Variants in SLC36A1 observed in about 807,000 individuals in gnomAD.
SLC36A1 encodes solute carrier family 36 member 1.
In SLC36A1, 30 loss-of-function variants were observed where a neutral mutation model predicts 47.5. That is an observed-to-expected ratio of 0.63 (90% CI 0.47 to 0.86). SLC36A1 has a LOEUF of 0.86. Among genes scored for constraint, SLC36A1 ranks in the 40% least tolerant of loss-of-function variants. The pLI, the probability that SLC36A1 is intolerant of heterozygous loss-of-function variation, is 0.00. For synonymous variants in SLC36A1, 255 were observed against 249.7 expected (o/e 1.02, Z -0.20); for missense variants, 517 against 606.0 (o/e 0.85, Z 1.54).
At chr5:151,393,920 A>T in the SLC36A1 span, among the ~76,000 whole-genome samples, 1 of 151,952 alleles carries the variant, frequency 6.6e-6, no homozygotes, top group Non-Finnish European at 1.5e-5. Context: ...TGTGGCATTC[A>T]CTGTATTTCC....
chr5:151,401,213 A>G, the SLC36A1 span, among the ~76,000 whole-genome samples: 1 of 152,108 alleles, frequency 6.6e-6, no homozygotes, highest in Non-Finnish European at 1.5e-5. Context: ...ATAGGTATGG[A>G]GTCCAGTTTT....
At chr5:151,486,687 T>C (rs1759602954) in intron 10 of SLC36A1, among the ~76,000 whole-genome samples, 1 of 152,160 alleles carries the variant, frequency 6.6e-6, no homozygotes, top group African/African-American at 2.4e-5. Context: ...ACCTCTCATA[T>C]AAAATGTAAC....
the SLC36A1 span, among the ~76,000 whole-genome samples, chr5:151,377,624 G>A: frequency 1.3e-5 from 2 of 152,072 alleles, no homozygotes; most frequent in East Asian, 3.9e-4. Context: ...TGGGATTACA[G>A]GCGTGAGCCA....
chr5:151,419,612 T>A, the SLC36A1 span, among the ~76,000 whole-genome samples: 1 of 152,220 alleles, frequency 6.6e-6, no homozygotes, highest in South Asian at 2.1e-4. Context: ...TCTGGATGTC[T>A]TGTTAAAATA....
chr5:151,537,325 A>G, the SLC36A1 span, among the ~76,000 whole-genome samples: 604 of 33,726 alleles, frequency 0.018, 6 homozygotes, highest in Admixed American at 0.023. Flanking sequence ...GAAAGAGAAA[A>G]AAAGAAAGAA....
At chr5:151,521,682 C>T in the SLC36A1 span, 1 of 1,614,012 alleles carries the variant, frequency 6.2e-7, no homozygotes, top group Non-Finnish European at 8.5e-7. Context: ...CGGGGGTGAG[C>T]TGGTAGAAGC....
chr5:151,405,343 C>CTTT, the SLC36A1 span, among the ~76,000 whole-genome samples: 1,232 of 85,234 alleles, frequency 0.014, 1 homozygote, highest in African/African-American at 0.02. Flanking sequence ...CTCTCTTTCT[C>CTTT]TTTTTTTTTT....
intron 5 of SLC36A1, among the ~76,000 whole-genome samples, chr5:151,466,111 A>G (rs969387644): frequency 7.9e-5 from 12 of 152,212 alleles, no homozygotes; most frequent in African/African-American, 2.9e-4. Context: ...CTAGATTGCC[A>G]GGTGACCACC....
chr5:151,551,976 GGTGTGTGTGTGTGTGT>G, the SLC36A1 span, among the ~76,000 whole-genome samples: 3 of 143,558 alleles, frequency 2.1e-5, no homozygotes, highest in South Asian at 6.9e-4. Context: ...TAACCCTAAG[GGTGTGTGTGTGTGTGT>G]GTGTGTGTGT....
chr5:151,363,564 G>T, the SLC36A1 span, among the ~76,000 whole-genome samples: 2 of 152,076 alleles, frequency 1.3e-5, no homozygotes, highest in Admixed American at 1.3e-4. Flanking sequence ...CACCATTTTG[G>T]AATCAGATCA....
chr5:151,401,971 G>A, the SLC36A1 span, among the ~76,000 whole-genome samples: 1 of 152,124 alleles, frequency 6.6e-6, no homozygotes, highest in East Asian at 1.9e-4. Flanking sequence ...CTATTTGGAT[G>A]CCTTTTATTT....
At chr5:151,519,118 C>A in the SLC36A1 span, among the ~76,000 whole-genome samples, 178 of 152,336 alleles carry the variant, frequency 1.2e-3, 1 homozygote, top group African/African-American at 4.1e-3. Context: ...CCAAGACAGG[C>A]AGATCACCTG....
chr5:151,476,281 G>A (rs1758040188), intron 8 of SLC36A1, among the ~76,000 whole-genome samples: 1 of 152,238 alleles, frequency 6.6e-6, no homozygotes. Flanking sequence ...CACTCACAGG[G>A]CAAGGGACAT....
chr5:151,384,630 T>C, the SLC36A1 span, among the ~76,000 whole-genome samples: 1 of 152,220 alleles, frequency 6.6e-6, no homozygotes, highest in African/African-American at 2.4e-5. Context: ...GAGCTTCTCA[T>C]AGGTTATATA....
the SLC36A1 span, among the ~76,000 whole-genome samples, chr5:151,348,896 C>T: frequency 6.6e-6 from 1 of 152,136 alleles, no homozygotes; most frequent in Non-Finnish European, 1.5e-5. Flanking sequence ...GCAGCTTTGA[C>T]CACAGCACTG....
chr5:151,401,912 A>C, the SLC36A1 span, among the ~76,000 whole-genome samples: 3 of 152,140 alleles, frequency 2.0e-5, no homozygotes, highest in Non-Finnish European at 4.4e-5. Flanking sequence ...AGGGTTTTCT[A>C]TGTGTAGAAT....
At chr5:151,500,427 G>A in the SLC36A1 span, among the ~76,000 whole-genome samples, 2 of 152,136 alleles carry the variant, frequency 1.3e-5, no homozygotes, top group African/African-American at 4.8e-5. Flanking sequence ...GAGTGCAGTG[G>A]CATGATCTCG....
the SLC36A1 span, among the ~76,000 whole-genome samples, chr5:151,391,214 T>C: frequency 6.6e-6 from 1 of 151,928 alleles, no homozygotes; most frequent in Admixed American, 6.6e-5. Flanking sequence ...CTGTCTGTTA[T>C]TGGTGTATAA....
chr5:151,525,014 C>A, the SLC36A1 span, among the ~76,000 whole-genome samples: 1 of 152,208 alleles, frequency 6.6e-6, no homozygotes, highest in Admixed American at 6.5e-5. Flanking sequence ...TGGAAAGCCC[C>A]TGGAGACAGG....
Sources: allele counts gnomAD v4.1 joint callset (sites outside exome capture counted in the v4.1 genomes callset), GRCh38; gene constraint gnomAD v4.1.1; transcripts MANE v1.5; gene names NCBI Gene and HGNC (gene_info 2026-07-23, HGNC 2026-07-21).